GRIK2: variants seen among roughly 807,000 people sequenced by gnomAD.
GRIK2 encodes the protein glutamate receptor ionotropic, kainate 2.
In GRIK2, 32 loss-of-function variants were observed where a neutral mutation model predicts 100.3. The ratio of observed to expected loss-of-function variants is 0.32; its 90% CI spans 0.24 to 0.43. The LOEUF (loss-of-function observed/expected upper bound fraction) is 0.43, where lower values mean the gene tolerates loss of function less well. Among genes scored for constraint, GRIK2 ranks in the 20% least tolerant of loss-of-function variants. The probability of loss-of-function intolerance (pLI) is 1.00; values close to 1 mark genes in which losing one functional copy is unlikely to be tolerated. For missense variants in GRIK2, 843 were observed against 1,114.9 expected, an observed-to-expected ratio of 0.76 and a Z score of 3.47; for synonymous variants, 417 against 389.4, an observed-to-expected ratio of 1.07 and a Z score of -0.83.
chr6:101,730,734 AAG>A (rs1326602566), intron 7 of GRIK2, among the ~76,000 whole-genome samples: 1 of 151,848 alleles, frequency 6.6e-6, no homozygotes, highest in Non-Finnish European at 1.5e-5. Context: ...AGAAAAGATA[AAG>A]AGATAATAGA....
intron 2 of GRIK2, among the ~76,000 whole-genome samples, chr6:101,414,720 A>C (rs1776038632): frequency 6.6e-6 from 1 of 152,190 alleles, no homozygotes; most frequent in Non-Finnish European, 1.5e-5. Context: ...TAGATGTTGC[A>C]CACGTCATTT....
At chr6:101,579,384 C>T (rs1777944803) in intron 2 of GRIK2, among the ~76,000 whole-genome samples, 1 of 152,096 alleles carries the variant, frequency 6.6e-6, no homozygotes, top group Non-Finnish European at 1.5e-5. Context: ...CAGACAGTTT[C>T]ATCATGCTCT....
chr6:101,586,701 T>G (rs554071934), intron 2 of GRIK2, among the ~76,000 whole-genome samples: 69 of 149,732 alleles, frequency 4.6e-4, no homozygotes, highest in African/African-American at 1.6e-3. Flanking sequence ...AAACCCCATC[T>G]CTACTAAAAA....
At chr6:101,788,726 A>T (rs1054248862) in intron 7 of GRIK2, among the ~76,000 whole-genome samples, 1 of 152,212 alleles carries the variant, frequency 6.6e-6, no homozygotes, top group Non-Finnish European at 1.5e-5. Flanking sequence ...GCATATACCC[A>T]GTAATGGGAT....
At chr6:101,856,038 G>C (rs1784409069) in intron 10 of GRIK2, among the ~76,000 whole-genome samples, 1 of 152,156 alleles carries the variant, frequency 6.6e-6, no homozygotes, top group African/African-American at 2.4e-5. Context: ...TTTGTGAGTT[G>C]TGAAGCCTTT....
At chr6:101,563,243 T>C (rs987292517) in intron 2 of GRIK2, among the ~76,000 whole-genome samples, 5 of 152,218 alleles carry the variant, frequency 3.3e-5, no homozygotes, top group East Asian at 1.9e-4. Flanking sequence ...TTAATTGTGC[T>C]TTTTGGTTCT....
chr6:101,455,343 A>G (rs1310471691), intron 2 of GRIK2, among the ~76,000 whole-genome samples: 1 of 152,164 alleles, frequency 6.6e-6, no homozygotes. Context: ...AAATGCCATA[A>G]TTCAAAACAA....
chr6:101,450,281 T>A (rs1158781085), intron 2 of GRIK2, among the ~76,000 whole-genome samples: 1 of 151,706 alleles, frequency 6.6e-6, no homozygotes, highest in Non-Finnish European at 1.5e-5. Flanking sequence ...ACAGTGACTA[T>A]AAACAAGACA....
chr6:101,609,334 T>C (rs1002731256), intron 2 of GRIK2, among the ~76,000 whole-genome samples: 5 of 151,924 alleles, frequency 3.3e-5, no homozygotes, highest in Non-Finnish European at 4.4e-5. Flanking sequence ...TACCTATTAT[T>C]GTATGTTGAA....
intron 2 of GRIK2, among the ~76,000 whole-genome samples, chr6:101,564,561 G>A (rs1488645213): frequency 2.0e-5 from 3 of 152,136 alleles, no homozygotes; most frequent in African/African-American, 7.2e-5. Flanking sequence ...TCTCCCTAAT[G>A]TAAGTATTTC....
chr6:101,947,228 T>TAACA (rs1370733339), intron 14 of GRIK2, among the ~76,000 whole-genome samples: 1 of 152,160 alleles, frequency 6.6e-6, no homozygotes, highest in African/African-American at 2.4e-5. Context: ...TTTTTAATAC[T>TAACA]AACAATATGT....
chr6:101,861,348 A>T (rs1042162329), intron 11 of GRIK2, among the ~76,000 whole-genome samples: 3 of 152,188 alleles, frequency 2.0e-5, no homozygotes, highest in Non-Finnish European at 4.4e-5. Flanking sequence ...ACAATGAGAA[A>T]TCTGTAGGGA....
intron 15 of GRIK2, 43 bp from the exon 16 acceptor site, chr6:102,055,287 T>G (rs980662452): frequency 6.7e-7 from 1 of 1,494,266 alleles, no homozygotes; most frequent in Non-Finnish European, 9.2e-7. Flanking sequence ...ATTATGAAAT[T>G]TCAGGTTCCT....
intron 2 of GRIK2, among the ~76,000 whole-genome samples, chr6:101,409,108 A>ATG (rs67806970): frequency 0.055 from 7,579 of 138,404 alleles, 214 homozygotes; most frequent in Non-Finnish European, 0.07. Flanking sequence ...AACATTGTGT[A>ATG]TGTGTGTGTG....
chr6:101,503,281 A>G (rs1451273048), intron 2 of GRIK2, among the ~76,000 whole-genome samples: 2 of 152,188 alleles, frequency 1.3e-5, no homozygotes, highest in Non-Finnish European at 2.9e-5. Context: ...GAAAAGGTAT[A>G]AATAAATTGA....
intron 2 of GRIK2, among the ~76,000 whole-genome samples, chr6:101,422,982 GT>G (rs1189591891): frequency 6.6e-6 from 1 of 151,976 alleles, no homozygotes; most frequent in African/African-American, 2.4e-5. Context: ...TGTTCTCTCA[GT>G]TATAATTCAT....
intron 7 of GRIK2, among the ~76,000 whole-genome samples, chr6:101,778,975 T>C (rs1195914257): frequency 1.3e-5 from 2 of 152,216 alleles, no homozygotes; most frequent in South Asian, 2.1e-4. Context: ...TAACTATTCA[T>C]AGAATCTATT....
At chr6:102,043,818 C>A (rs1325788488) in intron 15 of GRIK2, among the ~76,000 whole-genome samples, 1 of 69,034 alleles carries the variant, frequency 1.4e-5, no homozygotes, top group East Asian at 3.8e-4. Flanking sequence ...TGCACTAATT[C>A]ACATTCCCAC....
At chr6:101,971,678 G>C (rs547591772) in intron 14 of GRIK2, among the ~76,000 whole-genome samples, 4 of 151,992 alleles carry the variant, frequency 2.6e-5, no homozygotes, top group Non-Finnish European at 4.4e-5. Flanking sequence ...GAAGTTTGGG[G>C]TATGATCCTG....
Sources: gnomAD v4.1 joint callset for allele counts (sites outside exome capture counted in the v4.1 genomes callset) on GRCh38, gnomAD v4.1.1 for gene constraint, MANE v1.5 for transcripts, NCBI Gene and HGNC (gene_info 2026-07-23, HGNC 2026-07-21) for gene names.